Variants in OSBPL5 observed in about 807,000 individuals in gnomAD.
OSBPL5 encodes the protein oxysterol-binding protein-related protein 5.
OSBPL5 carries 71 observed loss-of-function variants against 111.2 expected under a neutral mutation model. The observed-to-expected ratio is 0.64, with a 90% CI of 0.53 to 0.78. OSBPL5 has a LOEUF of 0.78. OSBPL5 is among the 30% of genes least tolerant of loss of function. OSBPL5 has a pLI of 0.00. For missense variants in OSBPL5, 1,210 were observed against 1,189.3 expected (o/e 1.02, Z -0.26); for synonymous variants, 549 against 513.9 (o/e 1.07, Z -0.93).
At chr11:3,108,085 C>T (rs1857776786) in intron 7 of OSBPL5, 140 bp from the exon 8 acceptor site, 3 of 1,129,148 alleles carry the variant, frequency 2.7e-6, no homozygotes, top group South Asian at 3.2e-5. Context: ...CCTGGCCCTG[C>T]CCCAGCAGGG....
rs1373168807 is a variant in OSBPL5 at position 3,130,553 on chromosome 11, G to A, written c.-21-1384C>T. 6.6e-6 allele frequency among the ~76,000 whole-genome samples: 1 copy of A among 152,176 alleles called. No individual in the cohort carries two copies. The highest frequency in any genetic ancestry group is 1.9e-4 in the East Asian group (1 of 5,172). ...AGTCCTGAAGTCAGAGTGGGGAGGG[G>A]CTCCAAGGATGCAGCCAGGCTGGGC... On this transcript the variant is annotated intron_variant, in intron 1 of 21. Coordinates refer to ENST00000263650, the MANE Select transcript of OSBPL5 (RefSeq NM_020896.4). This position sits in a 1 kb window ranked among gnomAD's most constrained non-coding sequence, Gnocchi z 4.5.
intron 3 of OSBPL5, among the ~76,000 whole-genome samples, chr11:3,124,806 GGATGA>G (rs1858549850): frequency 7.0e-6 from 1 of 142,610 alleles, no homozygotes; most frequent in Admixed American, 7.0e-5. Flanking sequence ...ATGAATGAAT[GGATGA>G]ATGGATGGAT....
intron 7 of OSBPL5, among the ~76,000 whole-genome samples, chr11:3,118,023 G>A (rs7928571): frequency 0.25 from 37,680 of 152,122 alleles, 5,285 homozygotes; most frequent in African/African-American, 0.38. Flanking sequence ...ACAGCCTTCT[G>A]AAAATGAGCT....
intron 10 of OSBPL5, among the ~76,000 whole-genome samples, chr11:3,103,825 C>CTCTGCAGT (rs1857581792): frequency 3.5e-5 from 2 of 57,102 alleles, no homozygotes; most frequent in East Asian, 1.6e-3. Flanking sequence ...CCTGCGCAGC[C>CTCTGCAGT]CCCTTCCAGC....
chr11:3,108,412 C>T (rs1857788601), intron 7 of OSBPL5, among the ~76,000 whole-genome samples: 1 of 152,160 alleles, frequency 6.6e-6, no homozygotes, highest in South Asian at 2.1e-4. Context: ...GGTCCTCCCT[C>T]ACTGGGAAGC....
Position 3,107,243 on chromosome 11 carries a change from C to T in OSBPL5, c.1059+20G>A, listed in dbSNP as rs1362659208. ...CGAGGCAGGGGAGACGCTTGGGGCT[C>T]CTGGCTGGGGGGCTCTCACCTCCCC... is the stretch of plus-strand genomic sequence containing the variant. On this transcript the variant is annotated intron_variant, in intron 9 of 21. Coordinates refer to ENST00000263650, the MANE Select transcript of OSBPL5 (RefSeq NM_020896.4). This position sits in a 1 kb window ranked among gnomAD's most constrained non-coding sequence, Gnocchi z 6.1. 4 of 1,606,046 alleles carry T rather than the reference C, an allele frequency of 2.5e-6. No homozygotes were observed. Among genetic ancestry groups the T allele is most frequent in the African/African-American group, 2.7e-5 (2 of 74,346 alleles).
chr11:3,154,466 C>T lies in OSBPL5; in HGVS notation c.-22+10750G>A, dbSNP rs1248024389. On this transcript the variant is annotated intron_variant, in intron 1 of 21. Transcript: ENST00000263650. This position sits in a 1 kb window ranked among gnomAD's most constrained non-coding sequence, Gnocchi z 4.9. ...CACCAAGCGGGGGGCCTCTACAGCTCGCCCAGGTTCCAGCTGAGCCAGGCC... is the reference window on the plus strand; with the variant it reads ...CACCAAGCGGGGGGCCTCTACAGCTTGCCCAGGTTCCAGCTGAGCCAGGCC... Among the ~76,000 whole-genome samples the T allele has an allele frequency of 2.6e-5, 4 of 152,354 alleles. No individual in the cohort carries two copies. The highest frequency in any genetic ancestry group is 7.2e-5 in the African/African-American group (3 of 41,586).
chr11:3,144,098 C>A (rs974063456), intron 1 of OSBPL5, among the ~76,000 whole-genome samples: 1 of 152,156 alleles, frequency 6.6e-6, no homozygotes, highest in African/African-American at 2.4e-5. Flanking sequence ...GGTCCCACAG[C>A]CCTGAGACCA....
Position 3,109,435 on chromosome 11 carries a change from C to T in OSBPL5, c.692-1490G>A, listed in dbSNP as rs1309700989. On this transcript the variant is annotated intron_variant, in intron 7 of 21. Transcript: ENST00000263650. The surrounding 1 kb of genome is among the most constrained non-coding windows in gnomAD (Gnocchi z 7.4). ...GGTCACGTCAGGTGGGAGGATGGGG[C>T]TGAAGAGCATTGAAGGCGGTTCTGT... 6.6e-6 allele frequency among the ~76,000 whole-genome samples: 1 copy of T among 152,150 alleles called. No individual in the cohort carries two copies. The highest frequency in any genetic ancestry group is 2.4e-5 in the African/African-American group (1 of 41,428).
intron 3 of OSBPL5, among the ~76,000 whole-genome samples, chr11:3,125,470 C>T (rs977954973): frequency 1.3e-5 from 2 of 152,212 alleles, no homozygotes; most frequent in African/African-American, 4.8e-5. Flanking sequence ...GAGATGCAAA[C>T]TGAAGCCGCA....
At chr11:3,103,843 GC>G (rs1564830606) in intron 10 of OSBPL5, among the ~76,000 whole-genome samples, 41 of 74,702 alleles carry the variant, frequency 5.5e-4, no homozygotes, top group Non-Finnish European at 7.9e-4. Flanking sequence ...AGCCTCTGCA[GC>G]CCCTTTCCAG....
At chr11:3,159,022 G>T (rs1032615174) in intron 1 of OSBPL5, among the ~76,000 whole-genome samples, 1 of 152,170 alleles carries the variant, frequency 6.6e-6, no homozygotes, top group African/African-American at 2.4e-5. Context: ...GCAGCACCAC[G>T]ACCCTGCCAT....
intron 1 of OSBPL5, among the ~76,000 whole-genome samples, chr11:3,143,578 G>C (rs1846219746): frequency 1.3e-5 from 2 of 152,238 alleles, no homozygotes; most frequent in African/African-American, 2.4e-5. Context: ...CCGCAGAGAT[G>C]CACCAAGTCA....
In OSBPL5 at chr11:3,112,059, GTGTA is replaced by G. The variant is rs1444157152; in HGVS notation, c.692-4118_692-4115del. 8.4e-4 allele frequency among the ~76,000 whole-genome samples: 54 copies of G among 64,300 alleles called. 1 individual carries two copies. Among genetic ancestry groups the G allele is most frequent in the African/African-American group, 3.9e-3 (47 of 12,126 alleles). 42.2% of individuals were successfully genotyped at this position (64,300 alleles called of 152,430 possible). The stretch of plus-strand genomic sequence containing the variant: ...TATGTGTGCGCGCATGTGTGTGCAT[GTGTA>G]TGTGTGTGTGCATGTGTGTGTGCAT... On this transcript the variant is annotated intron_variant, in intron 7 of 21. Coordinates refer to ENST00000263650, the MANE Select transcript of OSBPL5 (RefSeq NM_020896.4).
Position 3,093,671 on chromosome 11 carries a change from A to G in OSBPL5, c.1810-8T>C, listed in dbSNP as rs1430963911. On this transcript the variant is annotated splice_region_variant and splice_polypyrimidine_tract_variant and intron_variant, in intron 16 of 21. Coordinates refer to ENST00000263650, the MANE Select transcript of OSBPL5 (RefSeq NM_020896.4). ...GATAAACACGTCCCTGTCCTGCCCC[A>G]GATGGCCAGCGGGGTCAGAGGCTGG... is the stretch of plus-strand genomic sequence containing the variant. The G allele has an allele frequency of 6.2e-7, 1 of 1,613,088 alleles. No individual in the cohort carries two copies. The highest frequency in any genetic ancestry group is 2.2e-5 in the East Asian group (1 of 44,872).
chr11:3,118,174 GA>G (rs1014536312), intron 7 of OSBPL5, among the ~76,000 whole-genome samples: 4 of 152,212 alleles, frequency 2.6e-5, no homozygotes, highest in African/African-American at 9.7e-5. Context: ...AATGTGAAAG[GA>G]AAATATCTTG....
At chr11:3,129,493 C>A (rs1590693085) in intron 1 of OSBPL5, among the ~76,000 whole-genome samples, 1 of 152,308 alleles carries the variant, frequency 6.6e-6, no homozygotes, top group South Asian at 2.1e-4. Flanking sequence ...CTGGCTGCAG[C>A]CAGGCAGACC....
chr11:3,097,529 G>A (rs1438650419), intron 14 of OSBPL5, among the ~76,000 whole-genome samples: 8 of 152,090 alleles, frequency 5.3e-5, no homozygotes, highest in African/African-American at 1.7e-4. Context: ...CCAACAAAAC[G>A]AAAACAAACA....
intron 12 of OSBPL5, among the ~76,000 whole-genome samples, 163 bp from the exon 13 acceptor site, chr11:3,101,862 C>A (rs1307099996): frequency 6.6e-6 from 1 of 152,200 alleles, no homozygotes; most frequent in Non-Finnish European, 1.5e-5. Context: ...GCTTACGACG[C>A]CCAGGGCAGG....
Sources: gnomAD v4.1 joint callset for allele counts (sites outside exome capture counted in the v4.1 genomes callset) on GRCh38, gnomAD v4.1.1 for gene constraint, Gnocchi (gnomAD v3.1) non-coding constraint, MANE v1.5 for transcripts, NCBI Gene and HGNC (gene_info 2026-07-23, HGNC 2026-07-21) for gene names.